Variants in SERPINA3 observed in about 807,000 individuals in gnomAD.
The protein encoded by SERPINA3 is alpha-1-antichymotrypsin.
Under a neutral mutation model 26.8 loss-of-function variants are expected in SERPINA3, and 32 were observed. The ratio of observed to expected loss-of-function variants is 1.20; its 90% confidence interval spans 0.90 to 1.61. The LOEUF (loss-of-function observed/expected upper bound fraction) is 1.61, where lower values mean the gene tolerates loss of function less well. Among genes scored for constraint, SERPINA3 ranks in the 40% most tolerant of loss-of-function variants. The pLI is 0.00. For synonymous variants in SERPINA3, 252 were observed against 206.4 expected, an observed-to-expected ratio of 1.22 and a Z score of -1.89; for missense variants, 632 against 517.9, an observed-to-expected ratio of 1.22 and a Z score of -2.14.
At position 94,623,936 on chromosome 14, in the gene SERPINA3, G is replaced by A. The variant is rs1382292652; in HGVS notation, c.*122G>A. The A allele has an allele frequency of 3.5e-6, 3 of 858,132 alleles. No individual in the cohort carries two copies. Among genetic ancestry groups the A allele is most frequent in the Non-Finnish European group, 3.9e-6 (2 of 508,000 alleles). 53.2% of individuals were successfully genotyped at this position (858,132 alleles called of 1,614,324 possible). A position where few individuals can be genotyped will look rare whatever the true frequency, so the allele number is the denominator to read the frequency against. On this transcript the variant is annotated 3_prime_UTR_variant, in exon 5 of 5. Transcript: ENST00000393078. The stretch of plus-strand genomic sequence containing the variant: ...GGCCATGGCATGTGTGGCCCTGTCT[G>A]CTTATCCTTGGAAGGTGACAGCGAT...
intron 2 of SERPINA3, 111 bp downstream of exon 2, chr14:94,615,195 A>G (rs934384820): frequency 1.7e-6 from 2 of 1,194,042 alleles, no homozygotes; most frequent in South Asian, 2.4e-5. Flanking sequence ...TGCCCACAGC[A>G]TGGGGGCAGC....
intron 2 of SERPINA3, among the ~76,000 whole-genome samples, chr14:94,616,780 G>A (rs913974731): frequency 1.9e-4 from 29 of 152,134 alleles, no homozygotes; most frequent in African/African-American, 5.1e-4. Context: ...AGAGAAAGTT[G>A]AGTCAAGCAG....
At chr14:94,615,406 C>T (rs183474651) in intron 2 of SERPINA3, 27 of 489,538 alleles carry the variant, frequency 5.5e-5, no homozygotes, top group African/African-American at 3.9e-4. Context: ...CTCCAGGGCG[C>T]GTAGGAGCTA....
Position 94,623,741 on chromosome 14 carries a change from T to C in SERPINA3, c.1199T>C (p.Leu400Pro), listed in dbSNP as rs1419679157. 6.2e-7 allele frequency: 1 copy of C among 1,614,170 alleles called. No individual in the cohort carries two copies. Among genetic ancestry groups the C allele is most frequent in the Non-Finnish European group, 8.5e-7 (1 of 1,180,032 alleles). The change falls in exon 5 of 5, where the codon CTG (leucine) becomes CCG (proline). Residue 400 changes from leucine to proline, a missense_variant. By Grantham distance (98) the Leu-to-Pro change is moderately conservative. Transcript: ENST00000393078. ...ATTGTGCGTTTCAACAGGCCCTTCC[T>C]GATGATCATTGTCCCTACAGACACC... ...RTIVRFNRPF[L>P]MIIVPTDTQN...
Position 94,623,830 on chromosome 14 carries a change from A to C in SERPINA3, c.*16A>C. 6.2e-7 allele frequency: 1 copy of C among 1,611,492 alleles called. No homozygotes were observed. Among genetic ancestry groups the C allele is most frequent in the South Asian group, 1.1e-5 (1 of 91,028 alleles). On this transcript the variant is annotated 3_prime_UTR_variant, in exon 5 of 5. Coordinates refer to ENST00000393078, the MANE Select transcript of SERPINA3 (RefSeq NM_001085.5). ...GCAAGCCTAGAGCTTGCCATCAAGC[A>C]GTGGGGCTCTCAGTAAGGAACTTGG...
chr14:94,612,469 C>T (rs7492561), intron 1 of SERPINA3, 22 bp downstream of exon 1: 8 of 1,336,600 alleles, frequency 6.0e-6, no homozygotes, highest in Non-Finnish European at 8.0e-6. Flanking sequence ...TGTTTTACAT[C>T]CTGGGAGCGG....
intron 4 of SERPINA3, among the ~76,000 whole-genome samples, chr14:94,623,104 G>A (rs768855867): frequency 3.9e-5 from 6 of 152,176 alleles, no homozygotes; most frequent in Non-Finnish European, 7.3e-5. Context: ...GAGCAGACCC[G>A]TATGGTTCAG....
intron 1 of SERPINA3, chr14:94,614,201 GC>G (rs747538562): frequency 8.9e-6 from 5 of 563,504 alleles, no homozygotes; most frequent in Non-Finnish European, 1.3e-5. Context: ...ACCGCTCTGT[GC>G]CCGGCTTTTC....
rs766322708 is a variant in SERPINA3 at position 94,622,436 on chromosome 14, C to T, written c.1013C>T (p.Thr338Ile). 5.0e-6 allele frequency: 8 copies of T among 1,614,098 alleles called. No individual in the cohort carries two copies. Among genetic ancestry groups the T allele is most frequent in the Non-Finnish European group, 6.8e-6 (8 of 1,179,990 alleles). The change falls in exon 4 of 5, where the codon ACC becomes ATC. Residue 338 changes from threonine to isoleucine, a missense_variant. Thr to Ile is a moderately conservative substitution (Grantham distance 89). Transcript: ENST00000393078. Reference protein sequence around the residue: ...LLQLGIEEAFTSKADLSGITG... With the variant: ...LLQLGIEEAFISKADLSGITG... ...CAGCTGGGCATTGAGGAAGCCTTCA[C>T]CAGCAAGGCTGACCTGTCAGGGATC... is the stretch of plus-strand genomic sequence containing the variant.
Position 94,622,489 on chromosome 14 carries a change from CA to C in SERPINA3, c.1067del (p.Gln356ArgfsTer31). ...ITGARNLAVSQVVHKAVLDVF... is the reference protein window; with the variant it reads ...ITGARNLAVSXVVHKAVLDVF... ...AGGGGCCAGGAACCTAGCAGTCTCC[CA>C]GGTGAGTCTTTAGACTTGGGTCAAT... On this transcript the variant is annotated frameshift_variant and splice_region_variant, in exon 4 of 5. Coordinates refer to ENST00000393078, the MANE Select transcript of SERPINA3 (RefSeq NM_001085.5). LOFTEE classifies it low-confidence loss of function (END_TRUNC). 1.9e-6 allele frequency: 3 copies of C among 1,614,010 alleles called. No homozygotes were observed. The highest frequency in any genetic ancestry group is 2.5e-6 in the Non-Finnish European group (3 of 1,179,976).
intron 4 of SERPINA3, chr14:94,622,694 A>G (rs1886250783): frequency 3.1e-6 from 2 of 637,362 alleles, no homozygotes; most frequent in African/African-American, 1.8e-5. Context: ...TTGAGCCTCT[A>G]CAACATAATG....
chr14:94,622,744 C>T, intron 4 of SERPINA3: 1 of 543,422 alleles, frequency 1.8e-6, no homozygotes, highest in African/African-American at 1.9e-5. Flanking sequence ...GACACCATTC[C>T]ACACTATACC....
At chr14:94,623,399 C>CTCAGCA (rs1886278310) in intron 4 of SERPINA3, among the ~76,000 whole-genome samples, 1 of 152,196 alleles carries the variant, frequency 6.6e-6, no homozygotes. Context: ...GCAAATCATA[C>CTCAGCA]TCAGCATCTG....
chr14:94,614,243 C>T (rs747196281), intron 1 of SERPINA3, 191 bp from the exon 2 acceptor site: 14 of 614,076 alleles, frequency 2.3e-5, no homozygotes, highest in Non-Finnish European at 3.8e-5. Context: ...AATTATGGTA[C>T]CTACCTCAAA....
chr14:94,620,715 T>A (rs2139962975), intron 3 of SERPINA3, among the ~76,000 whole-genome samples: 1 of 152,272 alleles, frequency 6.6e-6, no homozygotes, highest in African/African-American at 2.4e-5. Context: ...GTCATTGAGT[T>A]CTGGATAAAT....
intron 2 of SERPINA3, among the ~76,000 whole-genome samples, chr14:94,617,283 A>G (rs1241138541): frequency 2.6e-5 from 4 of 152,134 alleles, no homozygotes; most frequent in Non-Finnish European, 4.4e-5. Context: ...CAGTCATTCC[A>G]TGTTGGGAGG....
At chr14:94,619,715 C>A (rs2139961517) in intron 3 of SERPINA3, 1 of 562,758 alleles carries the variant, frequency 1.8e-6, no homozygotes, top group Non-Finnish European at 3.2e-6. Context: ...CATGAGAAAT[C>A]TTCTGCACAG....
At chr14:94,623,503 C>T in intron 4 of SERPINA3, 108 bp from the exon 5 acceptor site, 1 of 1,007,554 alleles carries the variant, frequency 9.9e-7, no homozygotes, top group Non-Finnish European at 1.6e-6. Context: ...AAAGACAGGC[C>T]AGCACTAGGT....
chr14:94,616,995 C>A (rs954955217), intron 2 of SERPINA3, among the ~76,000 whole-genome samples: 1 of 152,074 alleles, frequency 6.6e-6, no homozygotes, highest in African/African-American at 2.4e-5. Context: ...TATCTCTCTC[C>A]CCATTCTGGC....
Sources: allele counts gnomAD v4.1 joint callset (sites outside exome capture counted in the v4.1 genomes callset), GRCh38; gene constraint gnomAD v4.1.1; transcripts MANE v1.5; gene names NCBI Gene and HGNC (gene_info 2026-07-23, HGNC 2026-07-21).